ACACA: variants seen among roughly 807,000 people sequenced by gnomAD.
ACACA encodes the protein acetyl-CoA carboxylase alpha.
A neutral mutation model predicts 296.1 loss-of-function variants in ACACA; 103 were observed. The observed-to-expected ratio is 0.35, with a 90% CI of 0.30 to 0.41. The LOEUF is 0.41. Ranked by LOEUF, ACACA falls within the 10% of genes least tolerant of loss-of-function variation. The probability of loss-of-function intolerance (pLI) is 1.00; values close to 1 mark genes in which losing one functional copy is unlikely to be tolerated. For missense variants in ACACA, 1,554 were observed against 2,989.7 expected, an observed-to-expected ratio of 0.52 and a Z score of 11.20; for synonymous variants, 953 against 1,038.6, an observed-to-expected ratio of 0.92 and a Z score of 1.58.
At chr17:37,320,970 T>C (rs748499950) in intron 3 of ACACA, among the ~76,000 whole-genome samples, 3 of 151,412 alleles carry the variant, frequency 2.0e-5, no homozygotes, top group Non-Finnish European at 2.9e-5. Flanking sequence ...AAAAAAAAAT[T>C]GTGGGAAATA....
chr17:37,283,493 T>C, intron 4 of ACACA, 88 bp from the exon 5 acceptor site: 1 of 1,456,050 alleles, frequency 6.9e-7, no homozygotes. Context: ...TTTACATATC[T>C]ATCTTTCTGT....
intron 25 of ACACA, among the ~76,000 whole-genome samples, chr17:37,231,205 C>T (rs1210988917): frequency 2.0e-5 from 3 of 149,362 alleles, no homozygotes; most frequent in Admixed American, 6.6e-5. Flanking sequence ...ACAGTGAGAC[C>T]ACATCTTTAA....
chr17:37,245,921 C>T (rs1333289812), intron 19 of ACACA, among the ~76,000 whole-genome samples: 3 of 152,138 alleles, frequency 2.0e-5, no homozygotes, highest in Admixed American at 6.6e-5. Flanking sequence ...AGCACCTTTG[C>T]TTGTCCCTCC....
At chr17:37,172,311 A>G (rs949456118) in intron 41 of ACACA, among the ~76,000 whole-genome samples, 1 of 152,206 alleles carries the variant, frequency 6.6e-6, no homozygotes, top group African/African-American at 2.4e-5. Context: ...TTTGCTATCA[A>G]AAAAATGAGT....
At chr17:37,318,385 G>A (rs889220432) in intron 3 of ACACA, among the ~76,000 whole-genome samples, 1 of 152,154 alleles carries the variant, frequency 6.6e-6, no homozygotes, top group African/African-American at 2.4e-5. Context: ...TGGGATTACA[G>A]GTGCTCGCCA....
At position 37,283,320 on chromosome 17, in the gene ACACA, C is replaced by A; in HGVS notation, c.557G>T (p.Arg186Leu). 6.2e-7 allele frequency: 1 copy of A among 1,614,066 alleles called. No homozygotes were observed. The highest frequency in any genetic ancestry group is 8.5e-7 in the Non-Finnish European group (1 of 1,179,988). ...GACCATGACAACGAATCTAATTGCA[C>A]GTTCATTTCGAAACATTTCATAAGA... is the stretch of plus-strand genomic sequence containing the variant. ...RWSYEMFRNE[R>L]AIRFVVMVTP... is the part of the protein sequence containing the mutation. Residue 186 changes from arginine to leucine, a missense_variant, in exon 5 of 56, where the codon CGT becomes CTT. Physicochemically the swap from Arg to Leu is moderately radical, Grantham distance 102. Transcript: ENST00000616317.
At chr17:37,153,759 C>T (rs2076133540) in intron 43 of ACACA, among the ~76,000 whole-genome samples, 1 of 151,890 alleles carries the variant, frequency 6.6e-6, no homozygotes, top group Non-Finnish European at 1.5e-5. Flanking sequence ...CCCAGGGGTG[C>T]TATGAAAAAA....
chr17:37,399,301 A>C (rs1237182371), intron 1 of ACACA, among the ~76,000 whole-genome samples: 1 of 152,138 alleles, frequency 6.6e-6, no homozygotes, highest in African/African-American at 2.4e-5. Flanking sequence ...AAAGGTGATA[A>C]GGAGTGGAGA....
At chr17:37,290,675 A>C (rs1343778030) in intron 3 of ACACA, among the ~76,000 whole-genome samples, 3 of 152,214 alleles carry the variant, frequency 2.0e-5, no homozygotes, top group Admixed American at 6.5e-5. Context: ...AGTCACAGTT[A>C]ATTATTCACT....
intron 45 of ACACA, among the ~76,000 whole-genome samples, chr17:37,139,291 G>A (rs563539638): frequency 6.6e-6 from 1 of 152,290 alleles, no homozygotes; most frequent in East Asian, 1.9e-4. Context: ...GAAACAGACA[G>A]TGTAGAGACC....
At chr17:37,376,256 A>T in intron 1 of ACACA, 2 of 932,802 alleles carry the variant, frequency 2.1e-6, no homozygotes, top group Non-Finnish European at 3.4e-6. Flanking sequence ...TCCAGCAAGC[A>T]ATACTTTCCA....
chr17:37,231,960 G>C (rs764129330), intron 25 of ACACA, among the ~76,000 whole-genome samples: 9 of 152,198 alleles, frequency 5.9e-5, no homozygotes, highest in Non-Finnish European at 1.2e-4. Context: ...TCCAGACTTT[G>C]TGTTAAATTG....
At chr17:37,323,253 G>A (rs1196425676) in intron 3 of ACACA, among the ~76,000 whole-genome samples, 1 of 152,256 alleles carries the variant, frequency 6.6e-6, no homozygotes, top group East Asian at 1.9e-4. Flanking sequence ...ACACATCCCT[G>A]TGGTACATCC....
intron 1 of ACACA, among the ~76,000 whole-genome samples, chr17:37,353,126 C>A (rs992982253): frequency 1.3e-5 from 2 of 152,086 alleles, no homozygotes; most frequent in African/African-American, 4.8e-5. Flanking sequence ...GAGATAGAAT[C>A]AAAGTAAAAT....
At chr17:37,244,758 A>C in intron 20 of ACACA, 24 bp from the exon 21 acceptor site, 1 of 1,614,170 alleles carries the variant, frequency 6.2e-7, no homozygotes, top group Non-Finnish European at 8.5e-7. Context: ...CAAGAGATCA[A>C]GTCATCTACT....
At chr17:37,144,118 A>G in intron 45 of ACACA, 1 of 760,170 alleles carries the variant, frequency 1.3e-6, no homozygotes, top group Non-Finnish European at 2.4e-6. Flanking sequence ...CATATCTTCA[A>G]ATTTTCCCTT....
chr17:37,295,570 C>T (rs950938842), intron 3 of ACACA, among the ~76,000 whole-genome samples: 22 of 152,064 alleles, frequency 1.4e-4, no homozygotes, highest in African/African-American at 1.7e-4. Context: ...GGGGGGATAA[C>T]ATGAGGTCAG....
chr17:37,351,332 A>C (rs1217502741), intron 1 of ACACA, among the ~76,000 whole-genome samples: 1 of 151,732 alleles, frequency 6.6e-6, no homozygotes, highest in African/African-American at 2.4e-5. Context: ...GCATGGTGGC[A>C]CACGCCTGTA....
intron 52 of ACACA, 78 bp downstream of exon 52, chr17:37,111,453 C>T: frequency 9.7e-7 from 1 of 1,033,888 alleles, no homozygotes; most frequent in Non-Finnish European, 1.5e-6. Context: ...TCAGTGCCTC[C>T]TCCCCTGGCC....
Sources: gnomAD v4.1 joint callset for allele counts (sites outside exome capture counted in the v4.1 genomes callset) on GRCh38, gnomAD v4.1.1 for gene constraint, MANE v1.5 for transcripts, NCBI Gene and HGNC (gene_info 2026-07-23, HGNC 2026-07-21) for gene names.